Variants in RRM2 observed in about 807,000 individuals in gnomAD.
The protein encoded by RRM2 is ribonucleoside-diphosphate reductase subunit M2.
In RRM2, 6 loss-of-function variants were observed where a neutral mutation model predicts 45.9. The observed-to-expected ratio is 0.13, with a 90% CI of 0.07 to 0.26. The LOEUF (loss-of-function observed/expected upper bound fraction) is 0.26. Ranked by LOEUF, RRM2 falls within the 10% of genes least tolerant of loss-of-function variation. RRM2 has a pLI of 1.00. For missense variants in RRM2, 343 were observed against 489.5 expected, an observed-to-expected ratio of 0.70 and a Z score of 2.82; for synonymous variants, 177 against 173.0, an observed-to-expected ratio of 1.02 and a Z score of -0.18.
chr2:10,199,753 C>G (rs1402247864), intron 3 of RRM2, among the ~76,000 whole-genome samples: 1 of 114,472 alleles, frequency 8.7e-6, no homozygotes, highest in African/African-American at 3.4e-5. Context: ...GCACTCCAGT[C>G]TGGGTGACAG....
At position 10,209,608 on chromosome 2, in the gene RRM2, C is replaced by T. The variant is rs868716878; in HGVS notation, n.483-703C>T. ...GTGTGTGTGCGCGCGCGTGTGTGTG[C>T]GTGCATGCGTGTGTGTGTGTGTGTG... On this transcript the variant is annotated intron_variant and non_coding_transcript_variant, in intron 3 of 3. Coordinates refer to the RRM2 transcript ENST00000381786. Among the ~76,000 whole-genome samples the T allele has an allele frequency of 3.1e-3, 195 of 63,850 alleles. 1 individual carries two copies. In the Middle Eastern group the frequency reaches 0.034, roughly 11 times the overall value. 41.9% of individuals were successfully genotyped at this position (63,850 alleles called of 152,430 possible). A position where few individuals can be genotyped will look rare whatever the true frequency, so the allele number is the denominator to read the frequency against.
chr2:10,137,898 C>T (rs1663018515), upstream of RRM2, among the ~76,000 whole-genome samples: 1 of 152,198 alleles, frequency 6.6e-6, no homozygotes, highest in African/African-American at 2.4e-5. Context: ...GCTGCTCTGG[C>T]CTTCCTCTGG....
In RRM2 at chr2:10,187,336, TGCCACGGTGCC is replaced by T. The variant is rs1664191553; in HGVS notation, n.483-22972_483-22962del. Among the ~76,000 whole-genome samples, 3 of 152,330 alleles carry T rather than the reference TGCCACGGTGCC, an allele frequency of 2.0e-5. No individual in the cohort carries two copies. The South Asian group carries it at 6.2e-4, about 32-fold the overall frequency. On this transcript the variant is annotated intron_variant and non_coding_transcript_variant, in intron 3 of 3. Transcript: ENST00000381786. ...GTAGCAGGACCCTCCTTCCTACCTC[TGCCACGGTGCC>T]GCAGGCTCAGAGGGGGCGTGGGAGC...
chr2:10,127,238 A>G lies in RRM2; in HGVS notation c.798+18A>G. 1 of 1,608,312 alleles carries G rather than the reference A, an allele frequency of 6.2e-7. No individual in the cohort carries two copies. Among genetic ancestry groups the G allele is most frequent in the Non-Finnish European group, 8.5e-7 (1 of 1,177,770 alleles). On this transcript the variant is annotated intron_variant, in intron 7 of 9. Transcript: ENST00000304567. This position sits in a 1 kb window ranked among gnomAD's most constrained non-coding sequence, Gnocchi z 4.1. ...GAGATGAGGTGAGTCTAAGTCAAAT[A>G]ATAGGGTGACCTAAACCCCAAACAC...
intron 3 of RRM2, among the ~76,000 whole-genome samples, chr2:10,188,797 C>A (rs947406324): frequency 2.6e-5 from 4 of 152,140 alleles, no homozygotes; most frequent in Admixed American, 2.6e-4. Context: ...GAGGGTCAGG[C>A]GCTCAGCTAG....
At chr2:10,174,873 A>T (rs1160521879) in intron 3 of RRM2, among the ~76,000 whole-genome samples, 11 of 151,732 alleles carry the variant, frequency 7.2e-5, no homozygotes, top group Non-Finnish European at 1.5e-4. Context: ...AAATGGTTAA[A>T]AAAAAAAAAA....
At chr2:10,166,373 C>G (rs1663680911) in intron 3 of RRM2, among the ~76,000 whole-genome samples, 1 of 152,252 alleles carries the variant, frequency 6.6e-6, no homozygotes, top group African/African-American at 2.4e-5. Flanking sequence ...ACCCCAGGTT[C>G]CTGGTGGCCG....
chr2:10,147,633 A>G (rs1455723623), intron 3 of RRM2, among the ~76,000 whole-genome samples: 2 of 152,234 alleles, frequency 1.3e-5, no homozygotes, highest in Non-Finnish European at 2.9e-5. Context: ...TGTTGAGACT[A>G]CAGGTGTGAG....
upstream of RRM2, among the ~76,000 whole-genome samples, chr2:10,137,707 A>G (rs1663015058): frequency 6.6e-6 from 1 of 152,218 alleles, no homozygotes; most frequent in South Asian, 2.1e-4. Flanking sequence ...TTGGAGGTGG[A>G]AAACGGGGAG....
rs1174463280 is a variant in RRM2, at chr2:10,129,206, A to G, written c.1018-28A>G. The G allele has an allele frequency of 1.9e-6, 3 of 1,613,906 alleles. No homozygotes were observed. The highest frequency in any genetic ancestry group is 8.5e-7 in the Non-Finnish European group (1 of 1,179,852). ...GCTTGTTTTGAAGCTGGTGCTCTGT[A>G]TTTATATCTTGATGTGAACCTTTTC... On this transcript the variant is annotated intron_variant, in intron 9 of 9. Coordinates refer to ENST00000304567, the MANE Select transcript of RRM2 (RefSeq NM_001034.4). The surrounding 1 kb of genome is among the most constrained non-coding windows in gnomAD (Gnocchi z 4.8).
chr2:10,162,682 C>T (rs928867727), intron 3 of RRM2, among the ~76,000 whole-genome samples: 4 of 150,874 alleles, frequency 2.7e-5, no homozygotes, highest in African/African-American at 7.3e-5. Context: ...ACCCCCCCGC[C>T]GCCCCCCACC....
In RRM2 at chr2:10,123,002, C is replaced by T; in HGVS notation, c.119C>T (p.Thr40Ile). Residue 40 changes from threonine to isoleucine, a missense_variant, in exon 2 of 10, where the codon ACC (threonine) becomes ATC (isoleucine). This residue lies in a region of RRM2 where 131 missense variants were observed against 121.4 expected (regional missense o/e 1.08). Coordinates refer to ENST00000304567, the MANE Select transcript of RRM2 (RefSeq NM_001034.4). Reference sequence around the variant, plus strand: ...CCGCAGCCGCCGGCCCTGAGCGGGACCCGCGTCCTGGCCAGCAAGACCGCG... The same window carrying T: ...CCGCAGCCGCCGGCCCTGAGCGGGATCCGCGTCCTGGCCAGCAAGACCGCG... ...KENTPPALSG[T>I]RVLASKTARR... The T allele has an allele frequency of 6.4e-7, 1 of 1,562,072 alleles. No individual in the cohort carries two copies. The highest frequency in any genetic ancestry group is 1.3e-5 in the African/African-American group (1 of 74,440).
intron 3 of RRM2, among the ~76,000 whole-genome samples, chr2:10,186,100 C>T (rs1025923483): frequency 6.6e-6 from 1 of 152,196 alleles, no homozygotes; most frequent in Non-Finnish European, 1.5e-5. Context: ...TTGTTATAAT[C>T]AATGAACACA....
At chr2:10,192,447 C>T (rs763713108) in intron 3 of RRM2, among the ~76,000 whole-genome samples, 2 of 152,222 alleles carry the variant, frequency 1.3e-5, no homozygotes, top group Non-Finnish European at 2.9e-5. Context: ...CTGGAGAACA[C>T]ACTTTGGGAA....
intron 3 of RRM2, among the ~76,000 whole-genome samples, chr2:10,183,758 G>A (rs183639419): frequency 8.0e-5 from 12 of 149,470 alleles, no homozygotes; most frequent in African/African-American, 2.0e-4. Context: ...TTGCGCCACC[G>A]CACTCCAGCC....
At chr2:10,188,753 C>T (rs1664221448) in intron 3 of RRM2, among the ~76,000 whole-genome samples, 1 of 152,106 alleles carries the variant, frequency 6.6e-6, no homozygotes, top group Non-Finnish European at 1.5e-5. Context: ...TGAAATGCTC[C>T]ACCAGCACTG....
intron 3 of RRM2, chr2:10,146,242 G>C (rs1423273140): frequency 6.6e-6 from 1 of 152,184 alleles, no homozygotes; most frequent in African/African-American, 2.4e-5. Flanking sequence ...AACTCCAAAC[G>C]ATGGCTCCAG....
chr2:10,164,058 A>G (rs1663629276), intron 3 of RRM2, among the ~76,000 whole-genome samples: 1 of 151,892 alleles, frequency 6.6e-6, no homozygotes, highest in Non-Finnish European at 1.5e-5. Context: ...GTGTGTGTGC[A>G]TGAGTGAACG....
At chr2:10,199,920 ACCT>A (rs1204710884) in intron 3 of RRM2, among the ~76,000 whole-genome samples, 2 of 150,744 alleles carry the variant, frequency 1.3e-5, no homozygotes, top group Non-Finnish European at 2.9e-5. Context: ...TGCAACCTCC[ACCT>A]CCTGAGTTCA....
Sources: allele counts gnomAD v4.1 joint callset (sites outside exome capture counted in the v4.1 genomes callset), GRCh38; gene constraint gnomAD v4.1.1; regional missense constraint gnomAD v4.1.1; non-coding constraint Gnocchi (gnomAD v3.1); transcripts MANE v1.5; gene names NCBI Gene and HGNC (gene_info 2026-07-23, HGNC 2026-07-21).